SPATA24: variants seen among roughly 807,000 people sequenced by gnomAD.
SPATA24 encodes spermatogenesis associated 24, also known as spermatogenesis-associated protein 24.
A neutral mutation model predicts 28.9 loss-of-function variants in SPATA24; 21 were observed. The observed-to-expected ratio is 0.73, with a 90% confidence interval of 0.52 to 1.05. SPATA24 has a LOEUF of 1.05. Ranked by LOEUF, SPATA24 falls within the 50% of genes least tolerant of loss-of-function variation. The pLI, the probability that SPATA24 is intolerant of heterozygous loss-of-function variation, is 0.00. For synonymous variants in SPATA24, 76 were observed against 89.9 expected, an observed-to-expected ratio of 0.85 and a Z score of 0.88; for missense variants, 215 against 242.9, an observed-to-expected ratio of 0.88 and a Z score of 0.76.
At chr5:139,399,044 G>A (rs374553373) in intron 4 of SPATA24, among the ~76,000 whole-genome samples, 1 of 49,344 alleles carries the variant, frequency 2.0e-5, no homozygotes, top group South Asian at 6.9e-4. Flanking sequence ...AAGGCCAGGC[G>A]TGGTGGCTCA....
chr5:139,396,888 C>T lies in SPATA24; in HGVS notation c.530G>A (p.Ser177Asn). 1.3e-6 allele frequency: 2 copies of T among 1,551,724 alleles called. No individual in the cohort carries two copies. The highest frequency in any genetic ancestry group is 1.7e-6 in the Non-Finnish European group (2 of 1,146,996). Reference sequence around the variant, plus strand: ...CTGGTCCAGCACCTGGGCCATGTAGCTCTCCTGCTGCTTCTGGATCCGGAA... The same window carrying T: ...CTGGTCCAGCACCTGGGCCATGTAGTTCTCCTGCTGCTTCTGGATCCGGAA... ...SDFRIQKQQE[S>N]YMAQVLDQKH... Residue 177 changes from serine (S) to asparagine (N), a missense_variant, in exon 6 of 6, where the codon AGC (serine) becomes AAC (asparagine). Ser to Asn is a conservative substitution (Grantham distance 46). Transcript: ENST00000450845.
At chr5:139,396,725 G>T, downstream of SPATA24, 1 of 1,550,432 alleles carries the variant, frequency 6.4e-7, no homozygotes. Flanking sequence ...GCAGGGGCTA[G>T]AGGCTGGGGA....
intron 4 of SPATA24, among the ~76,000 whole-genome samples, chr5:139,400,464 G>T (rs1013456714): frequency 7.2e-5 from 11 of 151,876 alleles, no homozygotes; most frequent in Admixed American, 6.6e-5. Context: ...CCGCCACTAT[G>T]CCCGGGTAAT....
downstream of SPATA24, chr5:139,393,062 G>C: frequency 1.3e-6 from 2 of 1,530,672 alleles, no homozygotes; most frequent in South Asian, 1.2e-5. Flanking sequence ...GCCGGGGCGG[G>C]GGGCCCCAGT....
downstream of SPATA24, chr5:139,394,959 C>G (rs1758672066): frequency 5.3e-6 from 8 of 1,521,582 alleles, no homozygotes; most frequent in East Asian, 2.1e-4. Flanking sequence ...CCGGGGGCTC[C>G]GGAGAACCTG....
At chr5:139,393,232 G>A (rs1758630666), downstream of SPATA24, 2 of 1,549,012 alleles carry the variant, frequency 1.3e-6, no homozygotes, top group African/African-American at 1.4e-5. Context: ...GGCCATGCGC[G>A]GGCGTCCCGA....
At chr5:139,400,989 T>G (rs1758809976) in intron 4 of SPATA24, among the ~76,000 whole-genome samples, 1 of 151,798 alleles carries the variant, frequency 6.6e-6, no homozygotes, top group African/African-American at 2.4e-5. Context: ...AAACCTCATC[T>G]CTACTAAAAA....
chr5:139,393,340 G>A, downstream of SPATA24: 1 of 1,551,268 alleles, frequency 6.4e-7, no homozygotes, highest in Non-Finnish European at 8.7e-7. Context: ...TACCTCTGGG[G>A]ACTGCTGACT....
chr5:139,398,239 C>T (rs1290487856), intron 4 of SPATA24, among the ~76,000 whole-genome samples: 1 of 152,060 alleles, frequency 6.6e-6, no homozygotes, highest in Non-Finnish European at 1.5e-5. Context: ...CAGCCCTATC[C>T]CACAGTGGTC....
downstream of SPATA24, chr5:139,394,187 G>T: frequency 1.3e-6 from 2 of 1,547,442 alleles, no homozygotes; most frequent in East Asian, 2.5e-5. Context: ...ACGCGAAGTG[G>T]CCGAGACTTA....
chr5:139,403,794 C>T, intron 1 of SPATA24, 150 bp downstream of exon 1: 1 of 645,166 alleles, frequency 1.5e-6, no homozygotes, highest in East Asian at 2.8e-5. Flanking sequence ...CTTTTTGGCT[C>T]CACCCCTACC....
chr5:139,394,699 T>C, downstream of SPATA24: 1 of 1,533,728 alleles, frequency 6.5e-7, no homozygotes, highest in Non-Finnish European at 8.7e-7. Flanking sequence ...CGCCTCGCGA[T>C]CGTCTGCGCC....
downstream of SPATA24, chr5:139,393,108 C>G (rs898338915): frequency 6.6e-7 from 1 of 1,523,832 alleles, no homozygotes; most frequent in African/African-American, 1.4e-5. Flanking sequence ...CGCCGCCCTC[C>G]TCCCCGCAGG....
At chr5:139,393,704 G>C (rs1301110819), downstream of SPATA24, 1 of 1,551,044 alleles carries the variant, frequency 6.4e-7, no homozygotes. Flanking sequence ...TGATTCCACT[G>C]GGAAAGGATC....
downstream of SPATA24, chr5:139,396,553 G>A: frequency 7.6e-7 from 1 of 1,321,516 alleles, no homozygotes; most frequent in Non-Finnish European, 9.7e-7. Flanking sequence ...CACTGGGAGT[G>A]GGGTGGAATA....
chr5:139,394,086 C>T (rs1758647843), downstream of SPATA24: 7 of 1,550,576 alleles, frequency 4.5e-6, no homozygotes, highest in Non-Finnish European at 8.7e-7. Flanking sequence ...CCAGCGGCTC[C>T]GTCCCGGGCG....
chr5:139,402,774 A>G, intron 1 of SPATA24, 81 bp from the exon 2 acceptor site: 1 of 1,050,206 alleles, frequency 9.5e-7, no homozygotes, highest in African/African-American at 1.6e-5. Context: ...AAAAGCGGAT[A>G]ACAGGATGAT....
At chr5:139,402,228 T>C (rs923252180) in intron 2 of SPATA24, among the ~76,000 whole-genome samples, 183 bp from the exon 3 acceptor site, 2 of 151,232 alleles carry the variant, frequency 1.3e-5, no homozygotes, top group Non-Finnish European at 2.9e-5. Flanking sequence ...TTTCTTTTTT[T>C]TTTTAGACAG....
At chr5:139,400,373 C>T (rs1272836247) in intron 4 of SPATA24, among the ~76,000 whole-genome samples, 4 of 146,080 alleles carry the variant, frequency 2.7e-5, no homozygotes, top group Non-Finnish European at 4.5e-5. Flanking sequence ...ATGGCATGAT[C>T]CTGGCTCACT....
Sources: gnomAD v4.1 joint callset for allele counts (sites outside exome capture counted in the v4.1 genomes callset) on GRCh38, gnomAD v4.1.1 for gene constraint, MANE v1.5 for transcripts, NCBI Gene and HGNC (gene_info 2026-07-23, HGNC 2026-07-21) for gene names.